CPE: variants seen among roughly 807,000 people sequenced by gnomAD.
CPE encodes carbocypeptidase E.
CPE carries 17 observed loss-of-function variants against 53.5 expected under a neutral mutation model. That is an observed-to-expected ratio of 0.32 (90% CI 0.22 to 0.48). CPE has a LOEUF of 0.48. CPE is among the 20% of genes least tolerant of loss of function. CPE has a pLI of 0.99. For synonymous variants in CPE, 226 were observed against 228.8 expected, an observed-to-expected ratio of 0.99 and a Z score of 0.11; for missense variants, 524 against 614.7, an observed-to-expected ratio of 0.85 and a Z score of 1.56.
intron 1 of CPE, among the ~76,000 whole-genome samples, chr4:165,440,456 C>CA (rs1731588248): frequency 7.0e-6 from 1 of 142,246 alleles, no homozygotes; most frequent in African/African-American, 2.8e-5. Flanking sequence ...ACAACCCCAC[C>CA]CCCCCCCACA....
chr4:165,460,785 G>A (rs953101640), intron 1 of CPE, among the ~76,000 whole-genome samples: 6 of 151,966 alleles, frequency 3.9e-5, no homozygotes, highest in African/African-American at 7.3e-5. Flanking sequence ...TATTCTTATC[G>A]TATTCTTACA....
At chr4:165,497,113 G>C (rs1233549732) in intron 8 of CPE, among the ~76,000 whole-genome samples, 1 of 152,008 alleles carries the variant, frequency 6.6e-6, no homozygotes, top group South Asian at 2.1e-4. Flanking sequence ...GCAGAGATGT[G>C]GTTTCACCAT....
At chr4:165,385,135 A>G (rs1304282394) in intron 1 of CPE, among the ~76,000 whole-genome samples, 1 of 152,206 alleles carries the variant, frequency 6.6e-6, no homozygotes, top group Non-Finnish European at 1.5e-5. Flanking sequence ...AACTCACAGG[A>G]TCGCTGTGAG....
At chr4:165,463,697 G>T (rs2126700078) in intron 1 of CPE, among the ~76,000 whole-genome samples, 1 of 152,352 alleles carries the variant, frequency 6.6e-6, no homozygotes, top group Non-Finnish European at 1.5e-5. Flanking sequence ...TTGTTTATCT[G>T]CAAAATGAAG....
intron 4 of CPE, among the ~76,000 whole-genome samples, chr4:165,482,660 A>G (rs897904433): frequency 7.2e-5 from 11 of 152,190 alleles, no homozygotes; most frequent in Non-Finnish European, 1.2e-4. Context: ...TTGGACACTG[A>G]TAAAGTGGAG....
intron 1 of CPE, among the ~76,000 whole-genome samples, chr4:165,448,644 A>C (rs1731757079): frequency 6.6e-6 from 1 of 152,144 alleles, no homozygotes; most frequent in Non-Finnish European, 1.5e-5. Context: ...GCAAAAAAAA[A>C]ACCCTTCTTT....
At chr4:165,454,402 A>G (rs530281981) in intron 1 of CPE, among the ~76,000 whole-genome samples, 2 of 152,248 alleles carry the variant, frequency 1.3e-5, no homozygotes, top group Non-Finnish European at 2.9e-5. Flanking sequence ...AATTAATTTG[A>G]CTTTTGAATT....
At chr4:165,432,794 C>T (rs1468508068) in intron 1 of CPE, among the ~76,000 whole-genome samples, 6 of 152,090 alleles carry the variant, frequency 3.9e-5, no homozygotes, top group East Asian at 1.9e-4. Context: ...GCCTAAACAG[C>T]GCAACCCGCC....
At chr4:165,383,213 A>C (rs773671817) in intron 1 of CPE, among the ~76,000 whole-genome samples, 1 of 152,134 alleles carries the variant, frequency 6.6e-6, no homozygotes, top group Non-Finnish European at 1.5e-5. Flanking sequence ...AAGTGCTCAA[A>C]TATGTCCCCA....
chr4:165,461,530 G>A (rs532595904), intron 1 of CPE, among the ~76,000 whole-genome samples: 5 of 152,246 alleles, frequency 3.3e-5, no homozygotes, highest in African/African-American at 9.6e-5. Context: ...GAAAGCTTTG[G>A]CCTTGGGAGG....
At chr4:165,466,409 A>T (rs1732104644) in intron 2 of CPE, among the ~76,000 whole-genome samples, 1 of 152,214 alleles carries the variant, frequency 6.6e-6, no homozygotes, top group South Asian at 2.1e-4. Flanking sequence ...AAGGCCTAGG[A>T]CATTACTGTA....
intron 1 of CPE, among the ~76,000 whole-genome samples, chr4:165,419,712 C>T (rs1227452282): frequency 2.0e-5 from 3 of 152,096 alleles, no homozygotes; most frequent in African/African-American, 7.2e-5. Flanking sequence ...GACTCCTTGT[C>T]CTTTGCACTT....
chr4:165,497,420 G>A (rs995311140), intron 8 of CPE, 92 bp from the exon 9 acceptor site: 9 of 541,418 alleles, frequency 1.7e-5, no homozygotes, highest in Non-Finnish European at 2.7e-5. Flanking sequence ...TGGCTGGATT[G>A]AGTGTATACT....
intron 1 of CPE, among the ~76,000 whole-genome samples, chr4:165,413,664 T>C (rs2874700): frequency 0.3 from 45,208 of 152,108 alleles, 6,910 homozygotes; most frequent in Middle Eastern, 0.4. Context: ...GAAATTGATG[T>C]GTAAATAGAT....
At chr4:165,433,385 G>T (rs1345196910) in intron 1 of CPE, among the ~76,000 whole-genome samples, 1 of 152,096 alleles carries the variant, frequency 6.6e-6, no homozygotes. Flanking sequence ...TTTTAGCCTG[G>T]TCTCTCGGAG....
Position 165,487,574 on chromosome 4 carries a change from G to A in CPE, c.1110G>A (p.Glu370=), listed in dbSNP as rs2126714407. 1.2e-6 allele frequency: 2 copies of A among 1,614,022 alleles called. No homozygotes were observed. The highest frequency in any genetic ancestry group is 8.5e-7 in the Non-Finnish European group (1 of 1,179,990). The part of the protein sequence containing the change: ...DNKNSLISYL[E]QIHRGVKGFV... ...AAAACTCCCTCATTAGCTACCTTGA[G>A]CAGGTAAACACAGTCCCCAGCATAA... The change falls in exon 6 of 9, where the codon GAG becomes GAA. Residue 370 remains glutamate, a synonymous_variant. Coordinates refer to ENST00000402744, the MANE Select transcript of CPE (RefSeq NM_001873.4).
chr4:165,429,656 C>T (rs995912848), intron 1 of CPE, among the ~76,000 whole-genome samples: 4 of 151,196 alleles, frequency 2.6e-5, no homozygotes, highest in Non-Finnish European at 4.4e-5. Flanking sequence ...GAATCGAGAT[C>T]GTGCCTCTGC....
At chr4:165,489,514 A>G (rs1391147289) in intron 6 of CPE, among the ~76,000 whole-genome samples, 1 of 152,198 alleles carries the variant, frequency 6.6e-6, no homozygotes, top group Non-Finnish European at 1.5e-5. Context: ...AAGCTTAGCT[A>G]CAAGGAGCAA....
intron 1 of CPE, chr4:165,404,392 A>G: frequency 2.6e-6 from 2 of 766,304 alleles, no homozygotes; most frequent in Non-Finnish European, 4.9e-6. Context: ...GACTTGCTAA[A>G]ATACCGTTCA....
Sources: allele counts gnomAD v4.1 joint callset (sites outside exome capture counted in the v4.1 genomes callset), GRCh38; gene constraint gnomAD v4.1.1; transcripts MANE v1.5; gene names NCBI Gene and HGNC (gene_info 2026-07-23, HGNC 2026-07-21).